Variants in THAP2 observed in about 807,000 individuals in gnomAD.
THAP2 encodes THAP domain containing 2.
THAP2 carries 16 observed loss-of-function variants against 18.8 expected under a neutral mutation model. The observed-to-expected ratio is 0.85, with a 90% CI of 0.58 to 1.29. THAP2 has a LOEUF of 1.29. Ranked by LOEUF, THAP2 falls within the 50% of genes most tolerant of loss-of-function variation. The pLI, the probability that THAP2 is intolerant of heterozygous loss-of-function variation, is 0.00. For missense variants in THAP2, 251 were observed against 265.3 expected (o/e 0.95, Z 0.38); for synonymous variants, 80 against 89.2 (o/e 0.90, Z 0.58).
chr12:71,666,258 C>T (rs930067508), intron 1 of THAP2, among the ~76,000 whole-genome samples: 2 of 152,100 alleles, frequency 1.3e-5, no homozygotes, highest in Admixed American at 1.3e-4. Context: ...ACCTGTAATC[C>T]CAGCACTTCG....
At chr12:71,669,286 A>T (rs1341720159) in intron 1 of THAP2, among the ~76,000 whole-genome samples, 1 of 152,242 alleles carries the variant, frequency 6.6e-6, no homozygotes, top group Non-Finnish European at 1.5e-5. Flanking sequence ...CTGATCATGG[A>T]AAACTTCCTT....
At chr12:71,672,060 G>C (rs1333875164) in intron 1 of THAP2, among the ~76,000 whole-genome samples, 1 of 152,108 alleles carries the variant, frequency 6.6e-6, no homozygotes, top group African/African-American at 2.4e-5. Flanking sequence ...GTAGATAAGG[G>C]CAGAACTGAT....
In THAP2 at chr12:71,676,717, A is replaced by C. The variant is rs1565843415; in HGVS notation, c.296A>C (p.Lys99Thr). 1 of 1,580,712 alleles carries C rather than the reference A, an allele frequency of 6.3e-7. No homozygotes were observed. The highest frequency in any genetic ancestry group is 8.6e-7 in the Non-Finnish European group (1 of 1,166,824). Reference protein sequence around the residue: ...MKLKSRNLLKKNNSCSPAGPS... With the variant: ...MKLKSRNLLKTNNSCSPAGPS... ...CTCAAGTCAAGGAATCTTTTGAAGAAAAACAACAGTTGTTCTCCAGCTGGA... is the reference window on the plus strand; with the variant it reads ...CTCAAGTCAAGGAATCTTTTGAAGACAAACAACAGTTGTTCTCCAGCTGGA... Residue 99 changes from lysine to threonine, a missense_variant, in exon 3 of 3, where the codon AAA becomes ACA. Coordinates refer to ENST00000308086, the MANE Select transcript of THAP2 (RefSeq NM_031435.4).
chr12:71,670,390 T>G (rs1200233884), intron 1 of THAP2, among the ~76,000 whole-genome samples: 3 of 152,300 alleles, frequency 2.0e-5, no homozygotes, highest in South Asian at 2.1e-4. Flanking sequence ...AGACAGCCCC[T>G]TATATTTGTC....
At chr12:71,665,038 T>G (rs1053409933) in intron 1 of THAP2, 5 of 698,212 alleles carry the variant, frequency 7.2e-6, no homozygotes, top group Admixed American at 2.0e-5. Flanking sequence ...GCGGAGGAAT[T>G]GAGTCATCTT....
chr12:71,670,423 G>T (rs577339426), intron 1 of THAP2, among the ~76,000 whole-genome samples: 1 of 152,090 alleles, frequency 6.6e-6, no homozygotes, highest in Admixed American at 6.5e-5. Context: ...GGTACACACT[G>T]GATGCATATC....
Position 71,679,509 on chromosome 12 carries a change from C to T in THAP2, c.*2401C>T, listed in dbSNP as rs1440196585. 1 of 151,618 alleles carries T rather than the reference C, an allele frequency of 6.6e-6. No homozygotes were observed. Among genetic ancestry groups the T allele is most frequent in the Admixed American group, 6.6e-5 (1 of 15,226 alleles). 9.4% of individuals were successfully genotyped at this position (151,618 alleles called of 1,614,324 possible). A position where few individuals can be genotyped will look rare whatever the true frequency, so the allele number is the denominator to read the frequency against. ...GAAATTATAATGGATTTTTTTTCCT[C>T]TCCCGGTCACAACACAGATCTTCTG... On this transcript the variant is annotated 3_prime_UTR_variant, in exon 3 of 3. Transcript: ENST00000308086.
At chr12:71,670,154 C>G (rs1881411194) in intron 1 of THAP2, among the ~76,000 whole-genome samples, 1 of 151,904 alleles carries the variant, frequency 6.6e-6, no homozygotes. Flanking sequence ...GTAGTGTTAG[C>G]CAACCTAGTA....
rs532540075 is a variant in THAP2, at chr12:71,676,749, A to T, written c.328A>T (p.Asn110Tyr). The T allele has an allele frequency of 8.7e-6, 14 of 1,608,742 alleles. No individual in the cohort carries two copies. In the South Asian group the frequency reaches 1.6e-4, roughly 18 times the overall value. ...CAGTTGTTCTCCAGCTGGACCATCT[A>T]ATTTAAAATCAAACATTAGTAGTCA... is the stretch of plus-strand genomic sequence containing the variant. ...NNSCSPAGPS[N>Y]LKSNISSQQV... Residue 110 changes from asparagine to tyrosine, a missense_variant, in exon 3 of 3, where the codon AAT becomes TAT. Physicochemically the swap from Asn to Tyr is moderately radical, Grantham distance 143 (BLOSUM62 -2). Transcript: ENST00000308086.
intron 1 of THAP2, chr12:71,664,800 C>T (rs1400576710): frequency 1.4e-6 from 1 of 713,148 alleles, no homozygotes; most frequent in Non-Finnish European, 2.5e-6. Flanking sequence ...ACTGTTTGGT[C>T]ATTACCCCTT....
chr12:71,668,988 A>G (rs1881389144), intron 1 of THAP2, among the ~76,000 whole-genome samples: 1 of 152,216 alleles, frequency 6.6e-6, no homozygotes, highest in Admixed American at 6.5e-5. Flanking sequence ...CTGTACAAAA[A>G]CATTACACCA....
Position 71,674,363 on chromosome 12 carries a change from A to G in THAP2, c.232A>G (p.Thr78Ala), listed in dbSNP as rs143394166. 21 of 1,610,444 alleles carry G rather than the reference A, an allele frequency of 1.3e-5. No homozygotes were observed. Among genetic ancestry groups the G allele is most frequent in the Non-Finnish European group, 1.8e-5 (21 of 1,177,800 alleles). The change falls in exon 2 of 3, where the codon ACC becomes GCC. Residue 78 changes from threonine (T) to alanine (A), a missense_variant. Coordinates refer to ENST00000308086, the MANE Select transcript of THAP2 (RefSeq NM_031435.4). ...TRRLKMDAVP[T>A]IFDFCTHIKS... ...ACGACTTAAAATGGATGCTGTTCCA[A>G]CCATTTTTGATTTTTGTACCCATAT...
intron 1 of THAP2, among the ~76,000 whole-genome samples, chr12:71,672,340 C>G (rs1310966517): frequency 6.6e-6 from 1 of 152,136 alleles, no homozygotes; most frequent in Admixed American, 6.5e-5. Flanking sequence ...CTAAAATTAT[C>G]AAACATCCTC....
intron 1 of THAP2, among the ~76,000 whole-genome samples, chr12:71,672,785 C>T (rs1205536266): frequency 2.0e-5 from 3 of 152,120 alleles, no homozygotes; most frequent in African/African-American, 7.2e-5. Context: ...TCTTAGAGCA[C>T]ATCCATCATC....
chr12:71,668,534 T>C (rs1347186924), intron 1 of THAP2, among the ~76,000 whole-genome samples: 1 of 152,254 alleles, frequency 6.6e-6, no homozygotes, highest in East Asian at 1.9e-4. Flanking sequence ...GGAGCCAGGA[T>C]TGGTGCCCTG....
chr12:71,666,446 A>G (rs1881343917), intron 1 of THAP2, among the ~76,000 whole-genome samples: 1 of 152,046 alleles, frequency 6.6e-6, no homozygotes, highest in East Asian at 1.9e-4. Context: ...TGGGGAAGTT[A>G]AGGCTGCACT....
rs1159226111 is a variant in THAP2, at chr12:71,664,350, C to G, written c.-160C>G. ...AGGGAAGGCTGACCGTCCTTCGCCT[C>G]CGCCCCCACATACACACCCCTTCTT... On this transcript the variant is annotated 5_prime_UTR_variant, in exon 1 of 3. Transcript: ENST00000308086. The G allele has an allele frequency of 1.3e-6, 1 of 761,236 alleles. No homozygotes were observed. Among genetic ancestry groups the G allele is most frequent in the African/African-American group, 1.7e-5 (1 of 57,148 alleles). The allele number at this position is 761,236 out of a possible 1,614,324, so 47.2% of individuals were successfully genotyped here.
intron 1 of THAP2, among the ~76,000 whole-genome samples, chr12:71,666,954 G>A (rs1396465566): frequency 2.0e-5 from 3 of 152,126 alleles, no homozygotes; most frequent in Non-Finnish European, 2.9e-5. Flanking sequence ...GGCTGGTCTC[G>A]AACTCCTGAC....
chr12:71,664,855 T>C (rs770581094), intron 1 of THAP2: 7 of 702,886 alleles, frequency 1.0e-5, no homozygotes, highest in South Asian at 7.4e-5. Context: ...TCTACTGTTT[T>C]ATTCCTCTGT....
Sources: gnomAD v4.1 joint callset for allele counts (sites outside exome capture counted in the v4.1 genomes callset) on GRCh38, gnomAD v4.1.1 for gene constraint, MANE v1.5 for transcripts, NCBI Gene and HGNC (gene_info 2026-07-23, HGNC 2026-07-21) for gene names.